The following TMEM108 variants were observed in gnomAD, a reference collection of about 807,000 sequenced individuals.
The protein encoded by TMEM108 is cancer/testis antigen 124.
TMEM108 carries 12 observed loss-of-function variants against 35.1 expected under a neutral mutation model. That is an observed-to-expected ratio of 0.34 (90% confidence interval 0.22 to 0.55). The LOEUF is 0.55. Among genes scored for constraint, TMEM108 ranks in the 20% least tolerant of loss-of-function variants. The pLI, the probability that TMEM108 is intolerant of heterozygous loss-of-function variation, is 0.89. For synonymous variants in TMEM108, 287 were observed against 308.6 expected, an observed-to-expected ratio of 0.93 and a Z score of 0.73; for missense variants, 680 against 753.3, an observed-to-expected ratio of 0.90 and a Z score of 1.14.
chr3:133,353,504 G>A (rs1260960994), intron 3 of TMEM108, among the ~76,000 whole-genome samples: 4 of 152,204 alleles, frequency 2.6e-5, no homozygotes, highest in African/African-American at 9.6e-5. Context: ...GGAAATGAAT[G>A]CCAGGAGGGG....
At chr3:133,276,059 A>G (rs965079314) in intron 3 of TMEM108, among the ~76,000 whole-genome samples, 1 of 152,214 alleles carries the variant, frequency 6.6e-6, no homozygotes, top group Non-Finnish European at 1.5e-5. Context: ...CAGCAAGCTG[A>G]AAGGGTGACC....
At chr3:133,324,650 C>T (rs535546084) in intron 3 of TMEM108, among the ~76,000 whole-genome samples, 1 of 152,270 alleles carries the variant, frequency 6.6e-6, no homozygotes, top group South Asian at 2.1e-4. Context: ...CCATTTGATC[C>T]AGCAATCTCA....
Position 133,396,026 on chromosome 3 carries a change from T to C in TMEM108, c.*40T>C. On this transcript the variant is annotated 3_prime_UTR_variant, in exon 6 of 6. Coordinates refer to ENST00000321871, the MANE Select transcript of TMEM108 (RefSeq NM_023943.4). ...ACTTTGCCATTCCGTATTTTTCGTC[T>C]CTAAATTATAAATATACAAATACAT... The C allele has an allele frequency of 6.8e-7, 1 of 1,463,370 alleles. No individual in the cohort carries two copies. Among genetic ancestry groups the C allele is most frequent in the Non-Finnish European group, 9.1e-7 (1 of 1,102,554 alleles). 90.6% of individuals were successfully genotyped at this position (1,463,370 alleles called of 1,614,324 possible). A position where few individuals can be genotyped will look rare whatever the true frequency, so the allele number is the denominator to read the frequency against.
chr3:133,215,169 A>G (rs1209389845), intron 2 of TMEM108, among the ~76,000 whole-genome samples: 1 of 152,146 alleles, frequency 6.6e-6, no homozygotes, highest in Non-Finnish European at 1.5e-5. Context: ...CTTATTTAGT[A>G]TGTATTGTTG....
Position 133,182,829 on chromosome 3 carries a change from C to T in TMEM108, c.-46-46437C>T, listed in dbSNP as rs559000481. ...ATTTCAGCCAGTGGTGCATCTAACT[C>T]AGTTTTTCCTCTCTGGTGCCAGCAT... On this transcript the variant is annotated intron_variant, in intron 2 of 5. Transcript: ENST00000321871. 5.9e-5 allele frequency among the ~76,000 whole-genome samples: 9 copies of T among 152,340 alleles called. No individual in the cohort carries two copies. The South Asian group carries it at 1.9e-3, about 32-fold the overall frequency.
chr3:133,248,201 CA>C (rs1180419043), intron 3 of TMEM108: 1 of 152,110 alleles, frequency 6.6e-6, no homozygotes, highest in South Asian at 2.1e-4. Flanking sequence ...CTGACGATAA[CA>C]AGCCTTTTGT....
chr3:133,181,387 A>T (rs762569690), intron 2 of TMEM108, among the ~76,000 whole-genome samples: 3 of 152,164 alleles, frequency 2.0e-5, no homozygotes, highest in Non-Finnish European at 4.4e-5. Flanking sequence ...TGTGACTACC[A>T]TGAACTTCTT....
chr3:133,350,911 A>G (rs533498353), intron 3 of TMEM108, among the ~76,000 whole-genome samples: 1 of 152,306 alleles, frequency 6.6e-6, no homozygotes, highest in South Asian at 2.1e-4. Context: ...CACACCCTCC[A>G]GGCAGGAGAC....
rs199868250 is a variant in TMEM108 at position 133,227,549 on chromosome 3, TA to T, written c.-46-1709del. 3.9e-3 allele frequency among the ~76,000 whole-genome samples: 595 copies of T among 150,814 alleles called. 5 individuals carry two copies. The highest frequency in any genetic ancestry group is 0.014 in the African/African-American group (569 of 41,130). On this transcript the variant is annotated intron_variant, in intron 2 of 5. Coordinates refer to ENST00000321871, the MANE Select transcript of TMEM108 (RefSeq NM_023943.4). Reference sequence around the variant, plus strand: ...TCTGTGAGGTAGGTAGAATTCTTATTAAAAAAAACACTTGAAAACCTAGAAT... The same window carrying T: ...TCTGTGAGGTAGGTAGAATTCTTATTAAAAAAACACTTGAAAACCTAGAAT...
chr3:133,042,768 T>G (rs535290038), intron 1 of TMEM108, among the ~76,000 whole-genome samples: 1 of 152,306 alleles, frequency 6.6e-6, no homozygotes, highest in Admixed American at 6.5e-5. Context: ...GTAACAGAGC[T>G]AGTTAGTGGC....
At position 133,048,537 on chromosome 3, in the gene TMEM108, A is replaced by G. The variant is rs1367884009; in HGVS notation, c.-47+2517A>G. Among the ~76,000 whole-genome samples the G allele has an allele frequency of 2.0e-5, 3 of 152,226 alleles. No individual in the cohort carries two copies. In the East Asian group the frequency reaches 5.8e-4, roughly 29 times the overall value. ...GTGTAACCTGCATTATTTTAATTAAAAGGCTCAGTTTAACTCTAAAACAAG... is the reference window on the plus strand; with the variant it reads ...GTGTAACCTGCATTATTTTAATTAAGAGGCTCAGTTTAACTCTAAAACAAG... On this transcript the variant is annotated intron_variant, in intron 2 of 5. Coordinates refer to ENST00000321871, the MANE Select transcript of TMEM108 (RefSeq NM_023943.4).
At chr3:133,307,202 C>T (rs909138000) in intron 3 of TMEM108, among the ~76,000 whole-genome samples, 1 of 152,114 alleles carries the variant, frequency 6.6e-6, no homozygotes, top group Admixed American at 6.5e-5. Context: ...AACCTTTGCC[C>T]ACTTTATGAT....
At chr3:133,148,619 A>G (rs951613872) in intron 2 of TMEM108, among the ~76,000 whole-genome samples, 1 of 152,172 alleles carries the variant, frequency 6.6e-6, no homozygotes, top group African/African-American at 2.4e-5. Context: ...CTTCATCATG[A>G]TACTTCTTAA....
chr3:133,075,560 AGTTT>A (rs1943728817), intron 2 of TMEM108, among the ~76,000 whole-genome samples: 1 of 152,148 alleles, frequency 6.6e-6, no homozygotes, highest in Non-Finnish European at 1.5e-5. Context: ...GACCATCACT[AGTTT>A]TCTGTTGTTG....
At chr3:133,103,506 G>C (rs1259135647) in intron 2 of TMEM108, among the ~76,000 whole-genome samples, 1 of 151,914 alleles carries the variant, frequency 6.6e-6, no homozygotes, top group Non-Finnish European at 1.5e-5. Context: ...CCTGGGTGAG[G>C]AAATAATCTG....
chr3:133,363,304 T>C (rs1416866063), intron 3 of TMEM108, among the ~76,000 whole-genome samples: 1 of 152,152 alleles, frequency 6.6e-6, no homozygotes, highest in Non-Finnish European at 1.5e-5. Flanking sequence ...CAACAGTCTG[T>C]AGTTCCAACA....
chr3:133,178,807 A>C (rs13085858), intron 2 of TMEM108, among the ~76,000 whole-genome samples: 20,431 of 152,208 alleles, frequency 0.13, 1,530 homozygotes, highest in South Asian at 0.22. Context: ...AAATTGACAG[A>C]TGGGATCTAA....
At chr3:133,314,062 G>A (rs570423151) in intron 3 of TMEM108, among the ~76,000 whole-genome samples, 257 of 152,144 alleles carry the variant, frequency 1.7e-3, no homozygotes, top group Non-Finnish European at 2.8e-3. Flanking sequence ...AAACTTCTCT[G>A]ATTTGATTCC....
At chr3:133,108,686 A>C (rs1944188617) in intron 2 of TMEM108, among the ~76,000 whole-genome samples, 1 of 151,858 alleles carries the variant, frequency 6.6e-6, no homozygotes, top group South Asian at 2.1e-4. Flanking sequence ...TGTCCTTTGT[A>C]GGGACATGGA....
Sources: gnomAD v4.1 joint callset for allele counts (sites outside exome capture counted in the v4.1 genomes callset) on GRCh38, gnomAD v4.1.1 for gene constraint, MANE v1.5 for transcripts, NCBI Gene and HGNC (gene_info 2026-07-23, HGNC 2026-07-21) for gene names.